PADI1: variants seen among roughly 807,000 people sequenced by gnomAD.
PADI1 encodes protein-arginine deiminase type-1.
PADI1 carries 65 observed loss-of-function variants against 74.8 expected under a neutral mutation model. That is an observed-to-expected ratio of 0.87 (90% confidence interval 0.71 to 1.07). The LOEUF is 1.07. Among genes scored for constraint, PADI1 ranks in the 50% least tolerant of loss-of-function variants. The pLI is 0.00. For missense variants in PADI1, 943 were observed against 854.0 expected (o/e 1.10, Z -1.30); for synonymous variants, 371 against 336.2 (o/e 1.10, Z -1.13).
Position 17,205,293 on chromosome 1 carries a change from C to T in PADI1, c.76C>T (p.His26Tyr), listed in dbSNP as rs1393732966. The change falls in exon 1 of 16, where the codon CAT (histidine) becomes TAT (tyrosine). Residue 26 changes from histidine to tyrosine, a missense_variant. Coordinates refer to ENST00000375471, the MANE Select transcript of PADI1 (RefSeq NM_013358.3). ...CGTGTGTGTGGTGGGAGTCGAGGCA[C>T]ATGTGGACATTCACAGGTAAGAGCT... ...HAVCVVGVEA[H>Y]VDIHSDVPKG... is the part of the protein sequence containing the mutation. 6.2e-7 allele frequency: 1 copy of T among 1,613,766 alleles called. No homozygotes were observed. The highest frequency in any genetic ancestry group is 8.5e-7 in the Non-Finnish European group (1 of 1,179,794).
intron 15 of PADI1, among the ~76,000 whole-genome samples, chr1:17,241,300 A>C (rs368973678): frequency 6.6e-6 from 1 of 152,244 alleles, no homozygotes; most frequent in Non-Finnish European, 1.5e-5. Context: ...GAGCGATGCT[A>C]TCGGGGTGGG....
At chr1:17,240,539 G>T (rs1057233075) in intron 14 of PADI1, 96 bp from the exon 15 acceptor site, 2 of 1,382,042 alleles carry the variant, frequency 1.4e-6, no homozygotes, top group African/African-American at 2.9e-5. Context: ...GAGCTAGCGG[G>T]CCCAGAGGGC....
intron 13 of PADI1, among the ~76,000 whole-genome samples, chr1:17,239,037 C>T (rs558619520): frequency 1.2e-3 from 180 of 152,338 alleles, no homozygotes; most frequent in African/African-American, 4.3e-3. Context: ...TTGGCTTGGA[C>T]AGGGCTATGC....
rs146737401 is a variant in PADI1, at chr1:17,244,562, A to T, written c.*319A>T. ...CCTAGGGAGATGGGCCCCACTTAGA[A>T]TTGCTCCCCCTTCATTCTGATGCCT... On this transcript the variant is annotated 3_prime_UTR_variant, in exon 16 of 16. Transcript: ENST00000375471. 4.4e-6 allele frequency: 2 copies of T among 452,052 alleles called. No individual in the cohort carries two copies. Among genetic ancestry groups the T allele is most frequent in the African/African-American group, 3.9e-5 (2 of 50,712 alleles). 28.0% of individuals were successfully genotyped at this position (452,052 alleles called of 1,614,324 possible).
intron 1 of PADI1, among the ~76,000 whole-genome samples, chr1:17,220,416 G>T (rs2072107671): frequency 6.6e-6 from 1 of 152,160 alleles, no homozygotes; most frequent in Non-Finnish European, 1.5e-5. Flanking sequence ...TCCAGGAAAG[G>T]ATGAAGGCGG....
intron 15 of PADI1, among the ~76,000 whole-genome samples, chr1:17,243,571 C>T (rs2072819703): frequency 6.6e-6 from 1 of 152,202 alleles, no homozygotes. Context: ...GTTAAGCAAG[C>T]TGTGCACAGC....
chr1:17,243,884 C>T, intron 15 of PADI1, 126 bp from the exon 16 acceptor site: 1 of 646,756 alleles, frequency 1.5e-6, no homozygotes, highest in Non-Finnish European at 2.8e-6. Flanking sequence ...AGTCCTAGAG[C>T]CCTTTCTAGG....
At position 17,244,373 on chromosome 1, in the gene PADI1, T is replaced by C. The variant is rs1364309108; in HGVS notation, c.*130T>C. On this transcript the variant is annotated 3_prime_UTR_variant, in exon 16 of 16. Transcript: ENST00000375471. ...CACTTTGCAAACATCCTGGCCACCA[T>C]GGGCACCAGGACACAGGGATGGATA... 6 of 742,362 alleles carry C rather than the reference T, an allele frequency of 8.1e-6. No individual in the cohort carries two copies. The South Asian group carries it at 8.8e-5, about 11-fold the overall frequency. The allele number at this position is 742,362 out of a possible 1,614,324, so 46.0% of individuals were successfully genotyped here.
intron 3 of PADI1, among the ~76,000 whole-genome samples, chr1:17,224,143 G>A (rs1041392969): frequency 5.3e-5 from 8 of 152,200 alleles, no homozygotes; most frequent in Non-Finnish European, 7.3e-5. Context: ...AGGTGGACAT[G>A]CACAGGCAAG....
At chr1:17,219,741 G>A (rs2072083911) in intron 1 of PADI1, among the ~76,000 whole-genome samples, 2 of 152,090 alleles carry the variant, frequency 1.3e-5, no homozygotes, top group African/African-American at 4.8e-5. Context: ...TTTACGGAGT[G>A]AAGAAAGATG....
intron 1 of PADI1, among the ~76,000 whole-genome samples, chr1:17,221,735 G>A (rs1302175058): frequency 1.3e-5 from 2 of 152,202 alleles, no homozygotes; most frequent in East Asian, 3.9e-4. Context: ...AGCGTGGCTG[G>A]AGCTAAGTGA....
chr1:17,208,949 C>T (rs1323352082), intron 1 of PADI1, among the ~76,000 whole-genome samples: 2 of 152,176 alleles, frequency 1.3e-5, no homozygotes, highest in African/African-American at 2.4e-5. Context: ...TTCCCCCAAG[C>T]CTTCCCCACC....
chr1:17,219,247 A>G (rs906968674), intron 1 of PADI1, among the ~76,000 whole-genome samples: 1 of 152,010 alleles, frequency 6.6e-6, no homozygotes, highest in Non-Finnish European at 1.5e-5. Context: ...GCGGGGGACT[A>G]TGGGATCTAT....
At chr1:17,218,825 G>A (rs116199109) in intron 1 of PADI1, among the ~76,000 whole-genome samples, 2,934 of 152,282 alleles carry the variant, frequency 0.019, 41 homozygotes, top group Non-Finnish European at 0.03. Context: ...CAGGAGGGCT[G>A]GTCTTGGGCA....
intron 11 of PADI1, among the ~76,000 whole-genome samples, chr1:17,234,383 G>C (rs897141434): frequency 1.3e-5 from 2 of 152,184 alleles, no homozygotes; most frequent in African/African-American, 4.8e-5. Context: ...AGCATTACTG[G>C]GGATAAAGAA....
chr1:17,228,375 G>A (rs1303625569), intron 6 of PADI1, among the ~76,000 whole-genome samples: 1 of 152,186 alleles, frequency 6.6e-6, no homozygotes, highest in Non-Finnish European at 1.5e-5. Flanking sequence ...TTTTGTGCCA[G>A]GTGCTTCTAT....
intron 3 of PADI1, 123 bp from the exon 4 acceptor site, chr1:17,224,244 C>T (rs1368786133): frequency 1.3e-6 from 1 of 796,300 alleles, no homozygotes; most frequent in Non-Finnish European, 2.1e-6. Flanking sequence ...GGGTCTGACC[C>T]CCAGACAGGG....
At chr1:17,237,008 G>C (rs2072658871) in intron 11 of PADI1, among the ~76,000 whole-genome samples, 1 of 152,176 alleles carries the variant, frequency 6.6e-6, no homozygotes, top group Non-Finnish European at 1.5e-5. Context: ...AGGCCAGAGA[G>C]CTTGGCCGAG....
intron 12 of PADI1, 144 bp from the exon 13 acceptor site, chr1:17,238,472 G>A (rs1026705956): frequency 4.1e-5 from 17 of 418,496 alleles, no homozygotes; most frequent in East Asian, 2.1e-4. Context: ...GAGAGTTGCA[G>A]ACAGTGCTTT....
Sources: allele counts gnomAD v4.1 joint callset (sites outside exome capture counted in the v4.1 genomes callset), GRCh38; gene constraint gnomAD v4.1.1; transcripts MANE v1.5; gene names NCBI Gene and HGNC (gene_info 2026-07-23, HGNC 2026-07-21).